ORC2: variants seen among roughly 807,000 people sequenced by gnomAD.
ORC2 encodes origin recognition complex protein 2 homolog.
A neutral mutation model predicts 77.7 loss-of-function variants in ORC2; 37 were observed. That is an observed-to-expected ratio of 0.48 (90% CI 0.37 to 0.63). The LOEUF is 0.63. ORC2 is among the 20% of genes least tolerant of loss of function. The probability of loss-of-function intolerance (pLI) is 0.00; values close to 1 mark genes in which losing one functional copy is unlikely to be tolerated. For missense variants in ORC2, 557 were observed against 661.9 expected (o/e 0.84, Z 1.74); for synonymous variants, 201 against 229.5 (o/e 0.88, Z 1.12).
chr2:200,929,177 C>T (rs2040895276), intron 11 of ORC2, among the ~76,000 whole-genome samples: 1 of 152,152 alleles, frequency 6.6e-6, no homozygotes, highest in Non-Finnish European at 1.5e-5. Context: ...TCTGGAACTC[C>T]TGACCTCAGG....
intron 5 of ORC2, among the ~76,000 whole-genome samples, chr2:200,944,949 A>C (rs2125009468): frequency 6.6e-6 from 1 of 152,326 alleles, no homozygotes; most frequent in Non-Finnish European, 1.5e-5. Flanking sequence ...CTATGGGGCC[A>C]AACCCAGCCT....
At chr2:200,946,848 C>T (rs2041258267) in intron 5 of ORC2, among the ~76,000 whole-genome samples, 1 of 152,152 alleles carries the variant, frequency 6.6e-6, no homozygotes, top group Non-Finnish European at 1.5e-5. Flanking sequence ...AGCATTTCTT[C>T]TCTGGTTTCT....
intron 7 of ORC2, among the ~76,000 whole-genome samples, chr2:200,939,253 T>C (rs546396626): frequency 1.3e-5 from 2 of 152,320 alleles, no homozygotes; most frequent in South Asian, 4.1e-4. Context: ...ATGCAGTTTA[T>C]GTCCTATTAA....
intron 17 of ORC2, among the ~76,000 whole-genome samples, chr2:200,912,623 G>C (rs577803729): frequency 6.6e-6 from 1 of 151,190 alleles, no homozygotes; most frequent in East Asian, 2.0e-4. Context: ...GGTCTCCTGT[G>C]TTGCCAGGCT....
chr2:200,935,659 A>G (rs771006550), intron 9 of ORC2, 40 bp downstream of exon 9: 1 of 1,392,914 alleles, frequency 7.2e-7, no homozygotes, highest in South Asian at 1.5e-5. Flanking sequence ...GAAATATTAC[A>G]CAATTTTTCT....
intron 15 of ORC2, among the ~76,000 whole-genome samples, chr2:200,917,400 C>A (rs749788692): frequency 6.6e-6 from 1 of 152,168 alleles, no homozygotes; most frequent in Admixed American, 6.5e-5. Flanking sequence ...AATCTTCCCT[C>A]CTCAGGCTCC....
At chr2:200,952,019 ATC>A (rs2041365749) in intron 4 of ORC2, among the ~76,000 whole-genome samples, 1 of 152,058 alleles carries the variant, frequency 6.6e-6, no homozygotes, top group Admixed American at 6.6e-5. Flanking sequence ...AAGGTAATTA[ATC>A]TGTTTATAAA....
intron 5 of ORC2, among the ~76,000 whole-genome samples, chr2:200,946,147 TA>T (rs1371161702): frequency 2.0e-5 from 3 of 150,676 alleles, no homozygotes; most frequent in African/African-American, 7.5e-5. Flanking sequence ...TATGAAAATC[TA>T]TTTTTTTTTT....
intron 9 of ORC2, among the ~76,000 whole-genome samples, chr2:200,934,497 T>G (rs1473867040): frequency 4.6e-5 from 7 of 151,328 alleles, no homozygotes; most frequent in African/African-American, 1.5e-4. Flanking sequence ...TAAATTGTTT[T>G]TTTTTTTTTT....
At chr2:200,914,046 T>G in intron 15 of ORC2, 54 bp from the exon 16 acceptor site, 1 of 1,064,748 alleles carries the variant, frequency 9.4e-7, no homozygotes, top group Non-Finnish European at 1.4e-6. Flanking sequence ...CATCAAAAGG[T>G]AACAACTAAT....
At position 200,957,407 on chromosome 2, in the gene ORC2, C is replaced by G. The variant is rs2041488524; in HGVS notation, c.232G>C (p.Val78Leu). ...QNYVEIMGRDVQESLKNGSAT... is the reference protein window; with the variant it reads ...QNYVEIMGRDLQESLKNGSAT... The stretch of plus-strand genomic sequence containing the variant: ...ATTTCACCCCCTCAAATACCTTGAA[C>G]ATCTCTTCCCATAATTTCCACATAG... The change falls in exon 4 of 18, where the codon GTT (valine) becomes CTT (leucine). Residue 78 changes from valine to leucine, a missense_variant. Val to Leu is a conservative substitution (Grantham distance 32). Coordinates refer to ENST00000234296, the MANE Select transcript of ORC2 (RefSeq NM_006190.5). 1.9e-6 allele frequency: 3 copies of G among 1,590,250 alleles called. No homozygotes were observed. The highest frequency in any genetic ancestry group is 2.6e-6 in the Non-Finnish European group (3 of 1,169,648).
intron 15 of ORC2, among the ~76,000 whole-genome samples, chr2:200,914,940 A>C (rs1394640952): frequency 6.7e-6 from 1 of 149,618 alleles, no homozygotes; most frequent in East Asian, 2.0e-4. Context: ...AGAAATTCAC[A>C]CATTTATATA....
At chr2:200,915,241 G>A (rs923808674) in intron 15 of ORC2, among the ~76,000 whole-genome samples, 9 of 151,788 alleles carry the variant, frequency 5.9e-5, no homozygotes, top group Middle Eastern at 3.4e-3. Context: ...TTGAACTCCC[G>A]ACCTCAGGTG....
rs373276323 is a variant in ORC2, at chr2:200,924,017, A to T, written c.1147+1819T>A. Among the ~76,000 whole-genome samples, 11 of 152,302 alleles carry T rather than the reference A, an allele frequency of 7.2e-5. No homozygotes were observed. In the South Asian group the frequency reaches 1.7e-3, roughly 23 times the overall value. ...TATTATAGAATTTGTGAATAATGAG[A>T]ATCAACTCTACCTGTTTTCAAATGT... On this transcript the variant is annotated intron_variant, in intron 13 of 17. Coordinates refer to ENST00000234296, the MANE Select transcript of ORC2 (RefSeq NM_006190.5).
At chr2:200,933,515 G>A (rs918376680) in intron 10 of ORC2, among the ~76,000 whole-genome samples, 28 of 152,178 alleles carry the variant, frequency 1.8e-4, no homozygotes, top group African/African-American at 6.5e-4. Context: ...AATAATAAAC[G>A]AGTAAGAGGG....
At chr2:200,958,178 A>G in intron 2 of ORC2, 45 bp from the exon 3 acceptor site, 1 of 1,055,568 alleles carries the variant, frequency 9.5e-7, no homozygotes, top group Non-Finnish European at 1.5e-6. Flanking sequence ...AAGAATTCAT[A>G]TCAACCACCA....
chr2:200,941,278 G>T lies in ORC2; in HGVS notation c.423C>A (p.Gly141=). ...GTTGAACCTTGTCTGAAGCAGAATG[G>T]CCTAAAGAATGAAACAAAAAGCCAT... The part of the protein sequence containing the change: ...ITINVPQSSK[G]HSASDKVQPK... Residue 141 remains glycine (G), a splice_region_variant and synonymous_variant, in exon 7 of 18, where the codon GGC becomes GGA. Transcript: ENST00000234296. 1 of 1,608,340 alleles carries T rather than the reference G, an allele frequency of 6.2e-7. No homozygotes were observed. The highest frequency in any genetic ancestry group is 8.5e-7 in the Non-Finnish European group (1 of 1,176,120).
intron 8 of ORC2, among the ~76,000 whole-genome samples, chr2:200,936,404 C>T (rs1454574441): frequency 1.3e-5 from 2 of 152,146 alleles, no homozygotes; most frequent in East Asian, 1.9e-4. Flanking sequence ...TCCTCAATTA[C>T]GGAAGAAAAG....
intron 1 of ORC2, among the ~76,000 whole-genome samples, chr2:200,961,188 G>A (rs1468937314): frequency 6.6e-6 from 1 of 151,212 alleles, no homozygotes; most frequent in African/African-American, 2.4e-5. Context: ...GTTTTTGTGG[G>A]GTTTGTTTTT....
Sources: gnomAD v4.1 joint callset for allele counts (sites outside exome capture counted in the v4.1 genomes callset) on GRCh38, gnomAD v4.1.1 for gene constraint, MANE v1.5 for transcripts, NCBI Gene and HGNC (gene_info 2026-07-23, HGNC 2026-07-21) for gene names.